Variants in HMCN1 observed in about 807,000 individuals in gnomAD.
The protein encoded by HMCN1 is hemicentin 1.
In HMCN1, 321 loss-of-function variants were observed where a neutral mutation model predicts 625.9. The ratio of observed to expected loss-of-function variants is 0.51; its 90% confidence interval spans 0.47 to 0.56. HMCN1 has a LOEUF of 0.56. Among genes scored for constraint, HMCN1 ranks in the 20% least tolerant of loss-of-function variants. HMCN1 has a pLI of 0.00. For missense variants in HMCN1, 6,588 were observed against 6,887.3 expected, an observed-to-expected ratio of 0.96 and a Z score of 1.54; for synonymous variants, 2,425 against 2,417.6, an observed-to-expected ratio of 1.00 and a Z score of -0.09.
intron 91 of HMCN1, among the ~76,000 whole-genome samples, 168 bp downstream of exon 91, chr1:186,144,871 G>A (rs1650215039): frequency 6.6e-6 from 1 of 152,172 alleles, no homozygotes; most frequent in Non-Finnish European, 1.5e-5. Context: ...AGATGTCTTC[G>A]ATTCATAGGG....
In HMCN1 at chr1:186,127,144, C is replaced by T. The variant is rs79203641; in HGVS notation, c.12691-934C>T. 9.3e-3 allele frequency among the ~76,000 whole-genome samples: 1,410 copies of T among 151,954 alleles called. 13 individuals carry two copies. Among genetic ancestry groups the T allele is most frequent in the South Asian group, 0.028 (135 of 4,808 alleles). On this transcript the variant is annotated intron_variant, in intron 82 of 106. Transcript: ENST00000271588. ...TTGGAAGGGTGAAATAGCCATCAGC[C>T]GAGACGGTGAAGGCTACAGGTGGTA...
rs772511414 is a variant in HMCN1 at position 186,081,417 on chromosome 1, T to C, written c.8787+23T>C. ...CAGGTAAAAGTAAAGAAAGATCTAATTTTAAAAGAGCTATTTGACTTTGCA... is the reference window on the plus strand; with the variant it reads ...CAGGTAAAAGTAAAGAAAGATCTAACTTTAAAAGAGCTATTTGACTTTGCA... On this transcript the variant is annotated intron_variant, in intron 56 of 106. Coordinates refer to ENST00000271588, the MANE Select transcript of HMCN1 (RefSeq NM_031935.3). 7.6e-5 allele frequency: 117 copies of C among 1,546,184 alleles called. 3 individuals carry two copies. The South Asian group carries it at 1.3e-3, about 17-fold the overall frequency.
intron 8 of HMCN1, 129 bp downstream of exon 8, chr1:185,923,782 G>A: frequency 1.3e-6 from 1 of 782,748 alleles, no homozygotes; most frequent in Non-Finnish European, 2.1e-6. Context: ...CCAAATTGAT[G>A]GATATTTACA....
Position 186,152,800 on chromosome 1 carries a change from T to G in HMCN1, c.14947T>G (p.Ser4983Ala), listed in dbSNP as rs2102578426. The change falls in exon 96 of 107, where the codon TCT (serine) becomes GCT (alanine). Residue 4983 changes from serine to alanine, a missense_variant. Coordinates refer to ENST00000271588, the MANE Select transcript of HMCN1 (RefSeq NM_031935.3). ...TGCCCGGGGCTTGGATTCCGATGGT[T>G]CTTTGCTGCTAGATATCGTTGTGAG... ...HIARGLDSDG[S>A]LLLDIVVSGY... The G allele has an allele frequency of 6.2e-7, 1 of 1,614,074 alleles. No homozygotes were observed. Among genetic ancestry groups the G allele is most frequent in the Non-Finnish European group, 8.5e-7 (1 of 1,179,926 alleles).
intron 9 of HMCN1, among the ~76,000 whole-genome samples, chr1:185,926,380 A>T (rs1412148147): frequency 6.6e-6 from 1 of 152,198 alleles, no homozygotes; most frequent in East Asian, 1.9e-4. Flanking sequence ...CTTACATAGT[A>T]TATCTTAATG....
intron 4 of HMCN1, among the ~76,000 whole-genome samples, chr1:185,878,386 A>G (rs955186412): frequency 6.6e-6 from 1 of 152,130 alleles, no homozygotes; most frequent in Non-Finnish European, 1.5e-5. Flanking sequence ...TCTGTTGCAT[A>G]TGGCTTTTGT....
At chr1:185,949,410 G>A (rs1222572645) in intron 11 of HMCN1, among the ~76,000 whole-genome samples, 2 of 151,862 alleles carry the variant, frequency 1.3e-5, no homozygotes, top group East Asian at 3.8e-4. Flanking sequence ...GTAGCATTCC[G>A]AGAACAGGCC....
intron 23 of HMCN1, 67 bp from the exon 24 acceptor site, chr1:185,994,748 C>T (rs960302001): frequency 1.1e-5 from 16 of 1,486,512 alleles, no homozygotes; most frequent in African/African-American, 6.9e-5. Context: ...AAGGAGCTCT[C>T]GTTTAAAGTG....
rs777065112 is a variant in HMCN1 at position 186,137,838 on chromosome 1, A to C, written c.13790A>C (p.Glu4597Ala). 1.2e-6 allele frequency: 2 copies of C among 1,614,122 alleles called. No individual in the cohort carries two copies. The highest frequency in any genetic ancestry group is 4.5e-5 in the East Asian group (2 of 44,876). The change falls in exon 89 of 107, where the codon GAA (glutamate) becomes GCA (alanine). Residue 4597 changes from glutamate to alanine, a missense_variant. Transcript: ENST00000271588. Reference protein sequence around the residue: ...GSWSEWSLWEECTRSCGRGNQ... With the variant: ...GSWSEWSLWEACTRSCGRGNQ... ...TGGTCGGAATGGAGTCTTTGGGAAG[A>C]ATGCACAAGGAGCTGTGGACGCGGC... is the stretch of plus-strand genomic sequence containing the variant.
chr1:185,968,828 T>A (rs955306248), intron 14 of HMCN1, among the ~76,000 whole-genome samples: 1 of 152,136 alleles, frequency 6.6e-6, no homozygotes, highest in Non-Finnish European at 1.5e-5. Context: ...TTTACTTCCA[T>A]CTGAAAGGTT....
Position 185,923,643 on chromosome 1 carries a change from T to A in HMCN1, c.1275T>A (p.Ser425Arg). 1 of 1,602,878 alleles carries A rather than the reference T, an allele frequency of 6.2e-7. No individual in the cohort carries two copies. Among genetic ancestry groups the A allele is most frequent in the Non-Finnish European group, 8.5e-7 (1 of 1,176,206 alleles). Residue 425 changes from serine (S) to arginine (R), a missense_variant, in exon 8 of 107, where the codon AGT (serine) becomes AGA (arginine). Transcript: ENST00000271588. Reference sequence around the variant, plus strand: ...GAGTATCAAGTGTTTCCTTTTCTAGTATTGTCCCAGGTGAGACATCATTTT... The same window carrying A: ...GAGTATCAAGTGTTTCCTTTTCTAGAATTGTCCCAGGTGAGACATCATTTT... Reference protein sequence around the residue: ...FQRVSSVSFSSIVPDAPKVTM... With the variant: ...FQRVSSVSFSRIVPDAPKVTM...
At chr1:186,137,706 T>A in intron 88 of HMCN1, 38 bp downstream of exon 88, 2 of 1,613,994 alleles carry the variant, frequency 1.2e-6, no homozygotes, top group Non-Finnish European at 1.7e-6. Context: ...ATGTGTTTAA[T>A]AGACCTTCAT....
chr1:186,139,202 TA>T, intron 89 of HMCN1, among the ~76,000 whole-genome samples: 1 of 152,288 alleles, frequency 6.6e-6, no homozygotes, highest in Middle Eastern at 3.4e-3. Context: ...AGACAGCTAA[TA>T]AAAAATGAAT....
In HMCN1 at chr1:186,174,654, G is replaced by A. The variant is rs1202656918; in HGVS notation, c.15943+12G>A. 6.2e-7 allele frequency: 1 copy of A among 1,613,806 alleles called. No homozygotes were observed. Among genetic ancestry groups the A allele is most frequent in the Admixed American group, 1.7e-5 (1 of 60,010 alleles). On this transcript the variant is annotated intron_variant, in intron 103 of 106. Coordinates refer to ENST00000271588, the MANE Select transcript of HMCN1 (RefSeq NM_031935.3). The stretch of plus-strand genomic sequence containing the variant: ...AAGACCCTGCATGGGTAAGTTAATA[G>A]GAACTTGTTGAGCAATAAAGCTACT...
chr1:185,864,748 A>AAGAGAT, intron 3 of HMCN1, 120 bp downstream of exon 3: 1 of 857,860 alleles, frequency 1.2e-6, no homozygotes, highest in Non-Finnish European at 1.9e-6. Context: ...ATCCACATGT[A>AAGAGAT]TGTTCTCCAA....
rs1382007656 is a variant in HMCN1 at position 186,000,129 on chromosome 1, G to A, written c.3959G>A (p.Gly1320Asp). ...CCTGGCATTTCTATCTTGGAAGATG[G>A]CACATTGCTGGTTATTGCTTCTGTT... Reference protein sequence around the residue: ...REPGISILEDGTLLVIASVTP... With the variant: ...REPGISILEDDTLLVIASVTP... The change falls in exon 26 of 107, where the codon GGC becomes GAC. Residue 1320 changes from glycine (G) to aspartate (D), a missense_variant. Around this residue, in one of 3 missense-constraint regions of HMCN1, gnomAD observed 4,628 missense variants for 4,853.1 expected, o/e 0.95. Transcript: ENST00000271588. 11 of 1,612,838 alleles carry A rather than the reference G, an allele frequency of 6.8e-6. No individual in the cohort carries two copies. The highest frequency in any genetic ancestry group is 1.7e-5 in the Admixed American group (1 of 59,884).
intron 1 of HMCN1, among the ~76,000 whole-genome samples, chr1:185,789,874 T>A (rs773509273): frequency 2.6e-5 from 4 of 152,214 alleles, no homozygotes; most frequent in African/African-American, 9.6e-5. Flanking sequence ...TTAACTCTAT[T>A]TTTTCCCCCT....
intron 18 of HMCN1, 126 bp from the exon 19 acceptor site, chr1:185,984,043 A>T: frequency 1.4e-6 from 1 of 690,510 alleles, no homozygotes; most frequent in Non-Finnish European, 2.5e-6. Flanking sequence ...TCACTTAAGG[A>T]CATTAGAATA....
In HMCN1 at chr1:186,122,986, G is replaced by A; in HGVS notation, c.12265G>A (p.Val4089Ile). The A allele has an allele frequency of 6.2e-7, 1 of 1,614,044 alleles. No homozygotes were observed. The highest frequency in any genetic ancestry group is 8.5e-7 in the Non-Finnish European group (1 of 1,179,990). The change falls in exon 81 of 107, where the codon GTT becomes ATT. Residue 4089 changes from valine (V) to isoleucine (I), a missense_variant. Coordinates refer to ENST00000271588, the MANE Select transcript of HMCN1 (RefSeq NM_031935.3). ...PVISPHLKEY[V>I]IAVDKPITLS... ...CATTAGCCCTCATCTAAAGGAATAT[G>A]TTATTGCTGTGGACAAGCCCATCAC...
Sources: allele counts gnomAD v4.1 joint callset (sites outside exome capture counted in the v4.1 genomes callset), GRCh38; gene constraint gnomAD v4.1.1; regional missense constraint gnomAD v4.1.1; transcripts MANE v1.5; gene names NCBI Gene and HGNC (gene_info 2026-07-23, HGNC 2026-07-21).